CSNK2A1: variants seen among roughly 807,000 people sequenced by gnomAD.
CSNK2A1 encodes the protein casein kinase 2 alpha 1.
In CSNK2A1, 10 loss-of-function variants were observed where a neutral mutation model predicts 62.9. The observed-to-expected ratio is 0.16, with a 90% CI of 0.10 to 0.27. The LOEUF (loss-of-function observed/expected upper bound fraction) is 0.27. Among genes scored for constraint, CSNK2A1 ranks in the 10% least tolerant of loss-of-function variants. CSNK2A1 has a pLI of 1.00. For missense variants in CSNK2A1, 160 were observed against 492.0 expected (o/e 0.33, Z 6.38); for synonymous variants, 124 against 167.8 (o/e 0.74, Z 2.02).
At chr20:505,531 T>C (rs908576951) in intron 3 of CSNK2A1, among the ~76,000 whole-genome samples, 1 of 151,608 alleles carries the variant, frequency 6.6e-6, no homozygotes, top group African/African-American at 2.4e-5. Context: ...GGCTAATTTT[T>C]TGAATTTTTA....
At position 499,232 on chromosome 20, in the gene CSNK2A1, A is replaced by C. The variant is rs750306818; in HGVS notation, c.366+23T>G. The C allele has an allele frequency of 6.3e-7, 1 of 1,578,956 alleles. No homozygotes were observed. Among genetic ancestry groups the C allele is most frequent in the African/African-American group, 1.4e-5 (1 of 73,620 alleles). On this transcript the variant is annotated intron_variant, in intron 6 of 13. Coordinates refer to ENST00000217244, the MANE Select transcript of CSNK2A1 (RefSeq NM_177559.3). The surrounding 1 kb of genome is among the most constrained non-coding windows in gnomAD (Gnocchi z 4.2). ...TGTGGTCTAAAAACCCACTAGCCCG[A>C]AACAGTTGGTTATATATTATACCTT... is the stretch of plus-strand genomic sequence containing the variant.
rs1328131782 is a variant in CSNK2A1, at chr20:499,293, C to T, written c.328G>A (p.Ala110Thr). ...TTGTTTACGTGTTCAAAAACCAAGG[C>T]GGGGGTTCGTGACTAGGGGAAAAGA... Reference protein sequence around the residue: ...IVKDPVSRTPALVFEHVNNTD... With the variant: ...IVKDPVSRTPTLVFEHVNNTD... Residue 110 changes from alanine (A) to threonine (T), a missense_variant, in exon 6 of 14, where the codon GCC (alanine) becomes ACC (threonine). Physicochemically the swap from Ala to Thr is moderately conservative, Grantham distance 58. Coordinates refer to ENST00000217244, the MANE Select transcript of CSNK2A1 (RefSeq NM_177559.3). This position sits in a 1 kb window ranked among gnomAD's most constrained non-coding sequence, Gnocchi z 4.2. 9 of 1,606,892 alleles carry T rather than the reference C, an allele frequency of 5.6e-6. No homozygotes were observed. The highest frequency in any genetic ancestry group is 1.7e-5 in the Admixed American group (1 of 59,304).
intron 1 of CSNK2A1, among the ~76,000 whole-genome samples, chr20:536,042 A>G (rs2019314485): frequency 6.6e-6 from 1 of 152,180 alleles, no homozygotes. Flanking sequence ...AGATGGGAAT[A>G]TTACCTTCTC....
rs1260140650 is a variant in CSNK2A1, at chr20:481,069, G to A, written c.*2892C>T. 6.6e-6 allele frequency: 1 copy of A among 152,182 alleles called. No homozygotes were observed. The highest frequency in any genetic ancestry group is 1.5e-5 in the Non-Finnish European group (1 of 68,032). 9.4% of individuals were successfully genotyped at this position (152,182 alleles called of 1,614,324 possible). On this transcript the variant is annotated 3_prime_UTR_variant, in exon 14 of 14. Transcript: ENST00000217244. Reference sequence around the variant, plus strand: ...AACGGAGCCATCTATCACACACGGTGTCGGTTGGAGAAGCATATTGCTCAG... The same window carrying A: ...AACGGAGCCATCTATCACACACGGTATCGGTTGGAGAAGCATATTGCTCAG...
At chr20:510,926 T>G (rs1465036604) in intron 2 of CSNK2A1, among the ~76,000 whole-genome samples, 1 of 152,000 alleles carries the variant, frequency 6.6e-6, no homozygotes, top group Non-Finnish European at 1.5e-5. Flanking sequence ...TTCCCTATGT[T>G]GCCCAGGCTG....
intron 10 of CSNK2A1, chr20:489,288 A>G: frequency 5.8e-6 from 1 of 173,746 alleles, no homozygotes; most frequent in Non-Finnish European, 1.2e-5. Context: ...TTGACTCATT[A>G]AAATTGGACA....
rs1394584265 is a variant in CSNK2A1, at chr20:492,296, A to G, written c.579T>C (p.Ala193=). The part of the protein sequence containing the change: ...HPGQEYNVRV[A]SRYFKGPELL... ...GCTCAGGACCTTTGAAGTATCGGGA[A>G]GCAACTCGGACATTATATTCTTGGC... Residue 193 remains alanine (A), a synonymous_variant, in exon 9 of 14, where the codon GCT becomes GCC. Coordinates refer to ENST00000217244, the MANE Select transcript of CSNK2A1 (RefSeq NM_177559.3). 2 of 1,613,996 alleles carry G rather than the reference A, an allele frequency of 1.2e-6. No homozygotes were observed. Among genetic ancestry groups the G allele is most frequent in the African/African-American group, 1.3e-5 (1 of 74,918 alleles).
chr20:500,633 T>C (rs2018441363), intron 4 of CSNK2A1: 2 of 145,300 alleles, frequency 1.4e-5, no homozygotes, highest in Admixed American at 1.4e-4. Context: ...TCACCAATGC[T>C]CTTTTTTTTT....
chr20:488,978 A>G (rs1302111685), intron 10 of CSNK2A1, 200 bp from the exon 11 acceptor site: 6 of 459,176 alleles, frequency 1.3e-5, no homozygotes, highest in African/African-American at 8.1e-5. Context: ...TCCTCTTGAA[A>G]TGTCACCCTG....
chr20:491,225 G>T (rs953179420), intron 9 of CSNK2A1, among the ~76,000 whole-genome samples: 2 of 152,166 alleles, frequency 1.3e-5, no homozygotes, highest in African/African-American at 4.8e-5. Flanking sequence ...TAAACACTTG[G>T]CAAATCTATT....
chr20:496,758 C>G (rs1053879756), intron 7 of CSNK2A1: 2 of 152,202 alleles, frequency 1.3e-5, no homozygotes, highest in African/African-American at 2.4e-5. Flanking sequence ...TAGCAATTCT[C>G]TCTTCTAGGA....
intron 2 of CSNK2A1, among the ~76,000 whole-genome samples, chr20:513,818 T>G (rs2122586969): frequency 6.6e-6 from 1 of 152,360 alleles, no homozygotes; most frequent in East Asian, 1.9e-4. Context: ...CTAGCAGATC[T>G]GATTCTCCAC....
chr20:529,666 A>G (rs905293759), intron 1 of CSNK2A1, among the ~76,000 whole-genome samples: 1 of 152,236 alleles, frequency 6.6e-6, no homozygotes, highest in Non-Finnish European at 1.5e-5. Flanking sequence ...GCTAAGATCT[A>G]TGGTAAGAAC....
rs565074380 is a variant in CSNK2A1 at position 475,312 on chromosome 20, T to C, written c.*8649A>G. The C allele has an allele frequency of 2.0e-5, 3 of 152,308 alleles. No homozygotes were observed. 9.4% of individuals were successfully genotyped at this position (152,308 alleles called of 1,614,324 possible). A position where few individuals can be genotyped will look rare whatever the true frequency, so the allele number is the denominator to read the frequency against. ...TGTTGTTTTGTAAAAATACAAAAAC[T>C]ATCTGGGTGTGGTGGCATGTGCCTA... is the stretch of plus-strand genomic sequence containing the variant. On this transcript the variant is annotated 3_prime_UTR_variant, in exon 14 of 14. Coordinates refer to ENST00000217244, the MANE Select transcript of CSNK2A1 (RefSeq NM_177559.3).
rs3178812 is a variant in CSNK2A1, at chr20:486,385, T to C, written c.1051A>G (p.Met351Val). ...GGSTPVSSAN[M>V]MSGISSVPTP... ...TTACCAATGAACTGACCTGACATCA[T>C]ATTGGCGCTGCTGACGGGCGTACTG... Residue 351 changes from methionine (M) to valine (V), a missense_variant, in exon 13 of 14, where the codon ATG (methionine) becomes GTG (valine). This residue lies in a region of CSNK2A1 where 51 missense variants were observed against 108.8 expected (regional missense o/e 0.47). Coordinates refer to ENST00000217244, the MANE Select transcript of CSNK2A1 (RefSeq NM_177559.3). The C allele has an allele frequency of 6.2e-7, 1 of 1,613,518 alleles. No homozygotes were observed. The highest frequency in any genetic ancestry group is 8.5e-7 in the Non-Finnish European group (1 of 1,179,888).
chr20:532,001 G>A (rs2019222408), intron 1 of CSNK2A1, among the ~76,000 whole-genome samples: 2 of 152,194 alleles, frequency 1.3e-5, no homozygotes, highest in African/African-American at 4.8e-5. Context: ...TTTGAATCAT[G>A]TGTCCAAAGA....
Position 537,734 on chromosome 20 carries a change from A to G in CSNK2A1, c.-227+5938T>C, listed in dbSNP as rs1477014227. Among the ~76,000 whole-genome samples the G allele has an allele frequency of 2.0e-5, 3 of 152,190 alleles. No individual in the cohort carries two copies. The East Asian group carries it at 5.8e-4, about 29-fold the overall frequency. ...GAAATTCAGGTATAAGAACACATTA[A>G]TACTCTCATGAAACAAACCTTATCC... On this transcript the variant is annotated intron_variant, in intron 1 of 13. Transcript: ENST00000217244.
chr20:504,962 A>C (rs2018544727), intron 4 of CSNK2A1, 156 bp downstream of exon 4: 3 of 620,894 alleles, frequency 4.8e-6, no homozygotes, highest in Admixed American at 6.7e-5. Context: ...CTGTCAAATA[A>C]GCAGAACTTG....
chr20:542,836 C>T (rs1371422479), intron 1 of CSNK2A1, among the ~76,000 whole-genome samples: 1 of 152,322 alleles, frequency 6.6e-6, no homozygotes, highest in East Asian at 1.9e-4. Flanking sequence ...CTTTTCAAAA[C>T]TCTTTCCTCC....
Sources: allele counts gnomAD v4.1 joint callset (sites outside exome capture counted in the v4.1 genomes callset), GRCh38; gene constraint gnomAD v4.1.1; regional missense constraint gnomAD v4.1.1; non-coding constraint Gnocchi (gnomAD v3.1); transcripts MANE v1.5; gene names NCBI Gene and HGNC (gene_info 2026-07-23, HGNC 2026-07-21).